The following NOL4 variants were observed in gnomAD, a reference collection of about 807,000 sequenced individuals.
NOL4 encodes nucleolar protein 4.
A neutral mutation model predicts 75.9 loss-of-function variants in NOL4; 17 were observed. The ratio of observed to expected loss-of-function variants is 0.22; its 90% CI spans 0.15 to 0.34. NOL4 has a LOEUF of 0.34. NOL4 is among the 10% of genes least tolerant of loss of function. The pLI is 1.00. For missense variants in NOL4, 614 were observed against 793.5 expected (o/e 0.77, Z 2.72); for synonymous variants, 292 against 289.9 (o/e 1.01, Z -0.07).
chr18:34,137,119 C>T (rs1242832675), intron 1 of NOL4, among the ~76,000 whole-genome samples: 1 of 152,028 alleles, frequency 6.6e-6, no homozygotes, highest in Non-Finnish European at 1.5e-5. Context: ...ATAGTCAGGT[C>T]CCTACCTCAA....
At chr18:34,175,700 A>AG (rs2033483560) in intron 1 of NOL4, among the ~76,000 whole-genome samples, 1 of 152,164 alleles carries the variant, frequency 6.6e-6, no homozygotes, top group South Asian at 2.1e-4. Flanking sequence ...ATTGGTTCCA[A>AG]GCATTAAAGG....
At chr18:33,946,237 T>C (rs1264434398) in intron 8 of NOL4, among the ~76,000 whole-genome samples, 1 of 151,674 alleles carries the variant, frequency 6.6e-6, no homozygotes, top group Non-Finnish European at 1.5e-5. Flanking sequence ...ATCTCAATAA[T>C]GTGTACCTCC....
chr18:33,876,267 T>C (rs969742201), intron 10 of NOL4, among the ~76,000 whole-genome samples: 4 of 152,214 alleles, frequency 2.6e-5, no homozygotes, highest in African/African-American at 9.6e-5. Flanking sequence ...TCTGGAAACA[T>C]CATTTTCCCT....
At chr18:34,040,268 CCTTT>C (rs2076084222) in intron 5 of NOL4, among the ~76,000 whole-genome samples, 1 of 151,752 alleles carries the variant, frequency 6.6e-6, no homozygotes, top group Non-Finnish European at 1.5e-5. Flanking sequence ...GGGGACCCTT[CCTTT>C]CTCTTTATAC....
chr18:33,985,725 A>G (rs536762760), intron 6 of NOL4, among the ~76,000 whole-genome samples: 1 of 152,268 alleles, frequency 6.6e-6, no homozygotes, highest in East Asian at 1.9e-4. Flanking sequence ...AATGCTGTAC[A>G]TTCAGCAGAT....
intron 1 of NOL4, among the ~76,000 whole-genome samples, chr18:34,136,237 T>C (rs1018542290): frequency 6.6e-6 from 1 of 152,150 alleles, no homozygotes; most frequent in African/African-American, 2.4e-5. Flanking sequence ...TAACATCTTA[T>C]TTAATTGTGA....
intron 9 of NOL4, among the ~76,000 whole-genome samples, chr18:33,886,585 A>G (rs996004865): frequency 2.0e-5 from 3 of 150,652 alleles, no homozygotes; most frequent in Admixed American, 6.6e-5. Flanking sequence ...TGATAGTGCA[A>G]CAGGGTGACT....
intron 6 of NOL4, among the ~76,000 whole-genome samples, chr18:33,985,334 C>G (rs774326645): frequency 6.6e-6 from 1 of 152,048 alleles, no homozygotes; most frequent in Non-Finnish European, 1.5e-5. Flanking sequence ...ATCCTCTGAC[C>G]AATGGGGAAA....
intron 1 of NOL4, among the ~76,000 whole-genome samples, chr18:34,205,109 G>C (rs2036030165): frequency 6.6e-6 from 1 of 152,048 alleles, no homozygotes; most frequent in Admixed American, 6.6e-5. Context: ...TTAAGTCCTG[G>C]ATTTTAAATT....
At chr18:34,065,603 C>T (rs900566079) in intron 5 of NOL4, among the ~76,000 whole-genome samples, 4 of 151,702 alleles carry the variant, frequency 2.6e-5, no homozygotes, top group African/African-American at 7.2e-5. Context: ...GAGCCCCACC[C>T]CACACAAAAC....
Position 33,865,106 on chromosome 18 carries a change from C to G in NOL4, c.1724-12071G>C, listed in dbSNP as rs147514353. Among the ~76,000 whole-genome samples the G allele has an allele frequency of 2.8e-3, 432 of 152,214 alleles. 2 individuals carry two copies. The highest frequency in any genetic ancestry group is 0.01 in the African/African-American group (418 of 41,540). On this transcript the variant is annotated intron_variant, in intron 10 of 10. Transcript: ENST00000261592. ...ATAGTACCTAGACAATTGTAACCTT[C>G]TGGTGAACAGTTACTCTCATTATTA...
At chr18:33,883,167 T>C (rs2064410040) in intron 10 of NOL4, 77 bp downstream of exon 10, 2 of 1,101,202 alleles carry the variant, frequency 1.8e-6, no homozygotes, top group Non-Finnish European at 2.6e-6. Flanking sequence ...GTAACTAACC[T>C]GCGCAATGTG....
chr18:34,199,669 T>C (rs1226352180), intron 1 of NOL4, among the ~76,000 whole-genome samples: 1 of 151,814 alleles, frequency 6.6e-6, no homozygotes, highest in Non-Finnish European at 1.5e-5. Context: ...AGCCTAGAAA[T>C]CAGTGGCATA....
At chr18:34,165,666 G>GAGACT (rs1482334049) in intron 1 of NOL4, among the ~76,000 whole-genome samples, 3 of 152,042 alleles carry the variant, frequency 2.0e-5, no homozygotes, top group African/African-American at 7.2e-5. Flanking sequence ...TAGAATTAAG[G>GAGACT]AGACTAGAAA....
chr18:34,217,451 AT>A (rs1304352830), intron 1 of NOL4, among the ~76,000 whole-genome samples: 1 of 150,788 alleles, frequency 6.6e-6, no homozygotes, highest in East Asian at 2.0e-4. Context: ...CACCCAGCTA[AT>A]TTTTTTTGTA....
At position 34,051,396 on chromosome 18, in the gene NOL4, CAAT is replaced by C. The variant is rs542356049; in HGVS notation, c.773-31798_773-31796del. On this transcript the variant is annotated intron_variant, in intron 5 of 10. Coordinates refer to ENST00000261592, the MANE Select transcript of NOL4 (RefSeq NM_003787.5). The stretch of plus-strand genomic sequence containing the variant: ...ATAAATAAATATGTATTCAAGTAAT[CAAT>C]GAACTAAATTTTAAATATTTCTTGT... 2.2e-3 allele frequency among the ~76,000 whole-genome samples: 342 copies of C among 152,058 alleles called. 2 individuals are homozygous for C. The highest frequency in any genetic ancestry group is 7.8e-3 in the African/African-American group (325 of 41,504).
At position 33,853,001 on chromosome 18, in the gene NOL4, C is replaced by T. The variant is rs752691218; in HGVS notation, c.1758G>A (p.Ala586=). 1.6e-4 allele frequency: 257 copies of T among 1,612,334 alleles called. No homozygotes were observed. Among genetic ancestry groups the T allele is most frequent in the Middle Eastern group, 8.3e-4 (5 of 6,056 alleles). The part of the protein sequence containing the change: ...PTDLSMKRQL[A]TSSGSSSSSN... The stretch of plus-strand genomic sequence containing the variant: ...AGCTGCTGGAGGATCCTGAGCTAGT[C>T]GCCAATTGTCTCTTCATGCTGAGAT... Residue 586 remains alanine (A), a synonymous_variant, in exon 11 of 11, where the codon GCG becomes GCA. Transcript: ENST00000261592.
intron 10 of NOL4, among the ~76,000 whole-genome samples, chr18:33,854,589 A>G (rs2062759152): frequency 6.6e-6 from 1 of 152,038 alleles, no homozygotes; most frequent in Non-Finnish European, 1.5e-5. Flanking sequence ...AAAAGGCATT[A>G]TAACAGGAGT....
chr18:34,010,305 C>A (rs561163942), intron 6 of NOL4, among the ~76,000 whole-genome samples: 1 of 151,864 alleles, frequency 6.6e-6, no homozygotes, highest in Non-Finnish European at 1.5e-5. Context: ...TCCTTCAGTT[C>A]CATCCGTGTT....
Sources: gnomAD v4.1 joint callset for allele counts (sites outside exome capture counted in the v4.1 genomes callset) on GRCh38, gnomAD v4.1.1 for gene constraint, MANE v1.5 for transcripts, NCBI Gene and HGNC (gene_info 2026-07-23, HGNC 2026-07-21) for gene names.